The following KCNAB1 variants were observed in gnomAD, a reference collection of about 807,000 sequenced individuals.
KCNAB1 encodes the protein potassium voltage-gated channel subfamily A regulatory beta subunit 1.
In KCNAB1, 35 loss-of-function variants were observed where a neutral mutation model predicts 64.6. The observed-to-expected ratio is 0.54, with a 90% CI of 0.41 to 0.72. The LOEUF is 0.72. KCNAB1 is among the 30% of genes least tolerant of loss of function. The pLI, the probability that KCNAB1 is intolerant of heterozygous loss-of-function variation, is 0.00. For missense variants in KCNAB1, 401 were observed against 512.9 expected (o/e 0.78, Z 2.11); for synonymous variants, 177 against 183.8 (o/e 0.96, Z 0.30).
chr3:156,318,747 T>C (rs1434516828), intron 1 of KCNAB1, among the ~76,000 whole-genome samples: 2 of 152,232 alleles, frequency 1.3e-5, no homozygotes, highest in African/African-American at 4.8e-5. Flanking sequence ...CATGGCTTAA[T>C]TAAAAGTAGG....
intron 1 of KCNAB1, among the ~76,000 whole-genome samples, chr3:156,379,422 G>A (rs1394279858): frequency 2.6e-5 from 4 of 152,274 alleles, no homozygotes; most frequent in South Asian, 2.1e-4. Flanking sequence ...TGAGGGTGTT[G>A]GTGTGGGAAT....
intron 1 of KCNAB1, among the ~76,000 whole-genome samples, chr3:156,255,941 T>C (rs1047455263): frequency 6.6e-6 from 1 of 152,236 alleles, no homozygotes; most frequent in African/African-American, 2.4e-5. Flanking sequence ...CTTATTTATT[T>C]TGAAATGTTT....
At chr3:156,457,772 A>G (rs1712558891) in intron 4 of KCNAB1, among the ~76,000 whole-genome samples, 1 of 152,198 alleles carries the variant, frequency 6.6e-6, no homozygotes, top group African/African-American at 2.4e-5. Context: ...CTGAAGGGGT[A>G]TATGACCAGG....
intron 1 of KCNAB1, among the ~76,000 whole-genome samples, chr3:156,401,066 G>A (rs1054203499): frequency 7.2e-5 from 11 of 152,088 alleles, no homozygotes; most frequent in African/African-American, 2.7e-4. Context: ...CTTCTTGGGG[G>A]GTTTATATAA....
intron 2 of KCNAB1, among the ~76,000 whole-genome samples, chr3:156,425,540 A>C (rs1381328015): frequency 6.6e-6 from 1 of 152,232 alleles, no homozygotes; most frequent in East Asian, 1.9e-4. Context: ...ACTTGAAGTC[A>C]AAAAACTCAT....
chr3:156,389,699 T>A (rs994937444), intron 1 of KCNAB1, among the ~76,000 whole-genome samples: 3 of 152,200 alleles, frequency 2.0e-5, no homozygotes, highest in Non-Finnish European at 4.4e-5. Context: ...GGTTTGATAA[T>A]TTGCATTTCG....
At chr3:156,195,657 G>A (rs1713867337) in intron 1 of KCNAB1, among the ~76,000 whole-genome samples, 2 of 152,134 alleles carry the variant, frequency 1.3e-5, no homozygotes, top group African/African-American at 4.8e-5. Flanking sequence ...TTGTAAATTT[G>A]TTTAAGTTCT....
chr3:156,522,027 T>TAC (rs1378508017), intron 11 of KCNAB1, among the ~76,000 whole-genome samples: 5 of 51,624 alleles, frequency 9.7e-5, no homozygotes, highest in East Asian at 7.9e-4. Context: ...CATACACATA[T>TAC]ACACACACAC....
chr3:156,428,533 A>ACACC (rs59772816), intron 2 of KCNAB1, among the ~76,000 whole-genome samples: 21 of 143,150 alleles, frequency 1.5e-4, no homozygotes, highest in African/African-American at 4.5e-4. Context: ...ACACACACAC[A>ACACC]CCCTATTGGT....
chr3:156,527,018 C>A (rs1290675551), intron 12 of KCNAB1, among the ~76,000 whole-genome samples: 1 of 151,964 alleles, frequency 6.6e-6, no homozygotes, highest in African/African-American at 2.4e-5. Flanking sequence ...GGTTGGAAGG[C>A]AGAGAAATGT....
At chr3:156,369,907 A>C (rs1197638896) in intron 1 of KCNAB1, among the ~76,000 whole-genome samples, 1 of 152,236 alleles carries the variant, frequency 6.6e-6, no homozygotes, top group Non-Finnish European at 1.5e-5. Context: ...TCTGAGACAT[A>C]AAAAATACTT....
chr3:156,499,595 G>A (rs1241435867), intron 8 of KCNAB1, among the ~76,000 whole-genome samples: 1 of 152,236 alleles, frequency 6.6e-6, no homozygotes, highest in South Asian at 2.1e-4. Flanking sequence ...TGAAGAAAAA[G>A]GGATAAAGAT....
At chr3:156,318,408 AC>A (rs1159949821) in intron 1 of KCNAB1, among the ~76,000 whole-genome samples, 1 of 152,182 alleles carries the variant, frequency 6.6e-6, no homozygotes, top group Admixed American at 6.5e-5. Flanking sequence ...AAAGGAGCAG[AC>A]CACATGCCCT....
At chr3:156,333,811 A>G (rs1723503611) in intron 1 of KCNAB1, among the ~76,000 whole-genome samples, 1 of 152,226 alleles carries the variant, frequency 6.6e-6, no homozygotes, top group South Asian at 2.1e-4. Flanking sequence ...CATGACAGGT[A>G]AAATGTGATA....
At chr3:156,409,204 A>G (rs931670919) in intron 1 of KCNAB1, among the ~76,000 whole-genome samples, 3 of 152,218 alleles carry the variant, frequency 2.0e-5, no homozygotes, top group African/African-American at 4.8e-5. Flanking sequence ...GCTCTAGCCT[A>G]TGAAATTCTG....
At chr3:156,456,710 A>G (rs1712456660) in intron 3 of KCNAB1, among the ~76,000 whole-genome samples, 3 of 152,376 alleles carry the variant, frequency 2.0e-5, no homozygotes, top group South Asian at 2.1e-4. Context: ...GTCAATCGGC[A>G]AAATGAAAAA....
intron 1 of KCNAB1, among the ~76,000 whole-genome samples, chr3:156,391,471 T>C (rs528262976): frequency 3.3e-5 from 5 of 152,362 alleles, no homozygotes; most frequent in Non-Finnish European, 5.9e-5. Context: ...AGTGACTCTT[T>C]GGCAACAAAT....
intron 1 of KCNAB1, among the ~76,000 whole-genome samples, chr3:156,400,453 T>G (rs1324449291): frequency 6.6e-6 from 1 of 152,206 alleles, no homozygotes; most frequent in Non-Finnish European, 1.5e-5. Flanking sequence ...CCTCCTCCAA[T>G]CCATCCTCCA....
At chr3:156,361,360 C>G (rs1725600824) in intron 1 of KCNAB1, among the ~76,000 whole-genome samples, 1 of 152,170 alleles carries the variant, frequency 6.6e-6, no homozygotes, top group Non-Finnish European at 1.5e-5. Context: ...GCTCCCTATT[C>G]CACATGGCCA....
Sources: allele counts gnomAD v4.1 joint callset (sites outside exome capture counted in the v4.1 genomes callset), GRCh38; gene constraint gnomAD v4.1.1; transcripts MANE v1.5; gene names NCBI Gene and HGNC (gene_info 2026-07-23, HGNC 2026-07-21).